Variants in BCAR3 observed in about 807,000 individuals in gnomAD.
The protein encoded by BCAR3 is BCAR3 adaptor protein, NSP family member.
A neutral mutation model predicts 80.1 loss-of-function variants in BCAR3; 37 were observed. The ratio of observed to expected loss-of-function variants is 0.46; its 90% confidence interval spans 0.36 to 0.61. The LOEUF is 0.61. Ranked by LOEUF, BCAR3 falls within the 20% of genes least tolerant of loss-of-function variation. The pLI, the probability that BCAR3 is intolerant of heterozygous loss-of-function variation, is 0.00. For missense variants in BCAR3, 978 were observed against 1,068.2 expected (o/e 0.92, Z 1.18); for synonymous variants, 389 against 418.9 (o/e 0.93, Z 0.87).
At chr1:93,763,851 A>G (rs1652046024) in intron 2 of BCAR3, among the ~76,000 whole-genome samples, 6 of 152,196 alleles carry the variant, frequency 3.9e-5, no homozygotes, top group Admixed American at 3.9e-4. Flanking sequence ...AGCTATGAAT[A>G]TGATGTCACT....
At chr1:93,614,982 T>C (rs1184661578) in intron 3 of BCAR3, among the ~76,000 whole-genome samples, 2 of 151,624 alleles carry the variant, frequency 1.3e-5, no homozygotes, top group Non-Finnish European at 2.9e-5. Context: ...TCATTCCAGT[T>C]ATAGCGGATG....
At chr1:93,764,859 T>C (rs923631475) in intron 2 of BCAR3, among the ~76,000 whole-genome samples, 2 of 152,184 alleles carry the variant, frequency 1.3e-5, no homozygotes, top group Non-Finnish European at 2.9e-5. Flanking sequence ...AGTGGGAGTC[T>C]GGGTCCAGAG....
At chr1:93,652,263 T>C (rs1392788773) in intron 2 of BCAR3, among the ~76,000 whole-genome samples, 2 of 152,108 alleles carry the variant, frequency 1.3e-5, no homozygotes, top group Non-Finnish European at 2.9e-5. Flanking sequence ...TCACCCTTTT[T>C]AGAGAAGCAT....
At chr1:93,802,184 C>T (rs922184239) in intron 2 of BCAR3, among the ~76,000 whole-genome samples, 3 of 151,512 alleles carry the variant, frequency 2.0e-5, no homozygotes, top group Non-Finnish European at 2.9e-5. Context: ...GTGATGTGTG[C>T]CTGTAGTCCC....
At chr1:93,652,441 C>T (rs1328833710) in intron 2 of BCAR3, among the ~76,000 whole-genome samples, 1 of 152,142 alleles carries the variant, frequency 6.6e-6, no homozygotes, top group African/African-American at 2.4e-5. Context: ...AAGACATTCT[C>T]CACACCCAGA....
chr1:93,592,502 C>A lies in BCAR3; in HGVS notation c.358-109G>T. The A allele has an allele frequency of 7.1e-7, 1 of 1,399,584 alleles. No homozygotes were observed. Among genetic ancestry groups the A allele is most frequent in the Non-Finnish European group, 9.5e-7 (1 of 1,048,250 alleles). The allele number at this position is 1,399,584 out of a possible 1,614,324, so 86.7% of individuals were successfully genotyped here. ...ATCCAACCAGTTATGCTACAGCCTG[C>A]ATTCAGGTAGGGGAGCCTGGATAAT... On this transcript the variant is annotated intron_variant, in intron 3 of 11. Coordinates refer to ENST00000260502, the MANE Select transcript of BCAR3 (RefSeq NM_003567.4). The surrounding 1 kb of genome is among the most constrained non-coding windows in gnomAD (Gnocchi z 4.8).
At chr1:93,652,740 A>C (rs1371773281) in intron 2 of BCAR3, among the ~76,000 whole-genome samples, 2 of 151,996 alleles carry the variant, frequency 1.3e-5, no homozygotes, top group Non-Finnish European at 2.9e-5. Context: ...TCTGGCAGGC[A>C]CCTCGGCCCC....
chr1:93,611,621 T>G (rs1484610805), intron 3 of BCAR3, among the ~76,000 whole-genome samples: 1 of 152,176 alleles, frequency 6.6e-6, no homozygotes, highest in Non-Finnish European at 1.5e-5. Context: ...CTTCTCTCCA[T>G]TTTCGGCCTC....
At position 93,766,338 on chromosome 1, in the gene BCAR3, C is replaced by T. The variant is rs549707924; in HGVS notation, c.-62-60196G>A. Among the ~76,000 whole-genome samples, 8 of 152,308 alleles carry T rather than the reference C, an allele frequency of 5.3e-5. No individual in the cohort carries two copies. The South Asian group carries it at 1.7e-3, about 32-fold the overall frequency. On this transcript the variant is annotated intron_variant, in intron 2 of 13. Coordinates refer to the BCAR3 transcript ENST00000370244. ...CTTGGGACAAATGCATTAGGTAACACTAAGTGTGCATGTGTTTGGGGTAAA... is the reference window on the plus strand; with the variant it reads ...CTTGGGACAAATGCATTAGGTAACATTAAGTGTGCATGTGTTTGGGGTAAA...
intron 2 of BCAR3, among the ~76,000 whole-genome samples, chr1:93,654,633 T>G (rs1029712141): frequency 6.6e-6 from 1 of 152,238 alleles, no homozygotes; most frequent in African/African-American, 2.4e-5. Context: ...AACATGCTCA[T>G]TGTCTATTCC....
intron 2 of BCAR3, among the ~76,000 whole-genome samples, chr1:93,737,331 G>T (rs567934574): frequency 1.3e-5 from 2 of 152,136 alleles, no homozygotes; most frequent in African/African-American, 4.8e-5. Flanking sequence ...AATTAGTTAC[G>T]ATGAGGACAT....
At chr1:93,614,006 T>C in intron 3 of BCAR3, 1 of 1,535,164 alleles carries the variant, frequency 6.5e-7, no homozygotes, top group Non-Finnish European at 8.8e-7. Context: ...GTTAAAGCCC[T>C]AGCCCACCAC....
chr1:93,838,686 C>T (rs554242246), intron 2 of BCAR3, among the ~76,000 whole-genome samples: 60 of 152,218 alleles, frequency 3.9e-4, no homozygotes, highest in African/African-American at 1.3e-3. Flanking sequence ...ATTCTACAAA[C>T]GCAGTTATTA....
At chr1:93,613,703 T>C in intron 3 of BCAR3, 1 of 1,011,194 alleles carries the variant, frequency 9.9e-7, no homozygotes, top group Non-Finnish European at 1.4e-6. Context: ...CTAGGGGCTC[T>C]TGAAGACCCA....
At chr1:93,844,071 G>A (rs1655057701) in intron 2 of BCAR3, among the ~76,000 whole-genome samples, 1 of 152,182 alleles carries the variant, frequency 6.6e-6, no homozygotes, top group Non-Finnish European at 1.5e-5. Context: ...CACTTTGGGA[G>A]GCCGAAGCAG....
chr1:93,755,101 A>T (rs1651698502), intron 2 of BCAR3, among the ~76,000 whole-genome samples: 1 of 152,236 alleles, frequency 6.6e-6, no homozygotes, highest in African/African-American at 2.4e-5. Flanking sequence ...TAAGTAAAAA[A>T]TTTTAAAAAT....
intron 2 of BCAR3, among the ~76,000 whole-genome samples, chr1:93,742,929 C>T (rs1052533923): frequency 2.0e-5 from 3 of 152,132 alleles, no homozygotes; most frequent in East Asian, 1.9e-4. Flanking sequence ...GTTGAAATGC[C>T]GCCTCTTTCA....
At chr1:93,782,401 G>C (rs7532168) in intron 2 of BCAR3, among the ~76,000 whole-genome samples, 18,082 of 151,210 alleles carry the variant, frequency 0.12, 1,546 homozygotes, top group African/African-American at 0.23. Flanking sequence ...GAAAACTGGG[G>C]CTCAATCCTG....
intron 2 of BCAR3, among the ~76,000 whole-genome samples, chr1:93,813,998 C>G (rs1024649867): frequency 1.3e-5 from 2 of 152,154 alleles, no homozygotes; most frequent in Non-Finnish European, 2.9e-5. Flanking sequence ...TTGAGTTTAT[C>G]TGGTATTTCA....
Sources: allele counts gnomAD v4.1 joint callset (sites outside exome capture counted in the v4.1 genomes callset), GRCh38; gene constraint gnomAD v4.1.1; non-coding constraint Gnocchi (gnomAD v3.1); transcripts MANE v1.5; gene names NCBI Gene and HGNC (gene_info 2026-07-23, HGNC 2026-07-21).